The following ELP1 variants were observed in gnomAD, a reference collection of about 807,000 sequenced individuals.
ELP1 encodes elongator acetyltransferase complex subunit 1.
ELP1 carries 131 observed loss-of-function variants against 183.2 expected under a neutral mutation model. The ratio of observed to expected loss-of-function variants is 0.72; its 90% CI spans 0.62 to 0.83. The LOEUF is 0.83. Ranked by LOEUF, ELP1 falls within the 40% of genes least tolerant of loss-of-function variation. The probability of loss-of-function intolerance (pLI) is 0.00; values close to 1 mark genes in which losing one functional copy is unlikely to be tolerated. For missense variants in ELP1, 1,550 were observed against 1,594.9 expected, an observed-to-expected ratio of 0.97 and a Z score of 0.48; for synonymous variants, 555 against 569.0, an observed-to-expected ratio of 0.98 and a Z score of 0.35.
chr9:108,889,666 C>A, intron 28 of ELP1: 1 of 498,304 alleles, frequency 2.0e-6, no homozygotes, highest in Non-Finnish European at 3.6e-6. Flanking sequence ...CACTAAACCA[C>A]TTCGTCCCTT....
chr9:108,919,334 G>A lies in ELP1; in HGVS notation c.568C>T (p.Pro190Ser), dbSNP rs1343495027. 1.2e-6 allele frequency: 2 copies of A among 1,613,050 alleles called. No homozygotes were observed. ...FQMQMHESAL[P>S]WDDHRPQVTW... Reference sequence around the variant, plus strand: ...ACTTGTGGTCTATGGTCATCCCAGGGCAAAGCAGACTCATGCTAAAAAGGG... The same window carrying A: ...ACTTGTGGTCTATGGTCATCCCAGGACAAAGCAGACTCATGCTAAAAAGGG... Residue 190 changes from proline (P) to serine (S), a missense_variant, in exon 7 of 37, where the codon CCC becomes TCC. Coordinates refer to ENST00000374647, the MANE Select transcript of ELP1 (RefSeq NM_003640.5).
chr9:108,900,144 T>C, intron 19 of ELP1, 116 bp downstream of exon 19: 1 of 849,302 alleles, frequency 1.2e-6, no homozygotes, highest in Non-Finnish European at 2.0e-6. Flanking sequence ...CAAGGAAAGG[T>C]TTACAATAAA....
chr9:108,895,355 G>C (rs1828499985), intron 25 of ELP1, among the ~76,000 whole-genome samples: 1 of 152,188 alleles, frequency 6.6e-6, no homozygotes, highest in African/African-American at 2.4e-5. Flanking sequence ...AGCATGAATG[G>C]CTTACTGGGA....
At position 108,893,976 on chromosome 9, in the gene ELP1, A is replaced by T. The variant is rs1319436059; in HGVS notation, c.2827T>A (p.Tyr943Asn). ...RFTIDKYLKR[Y>N]EKAIGHLSKC... ...CTGAGGTGGCCAATGGCTTTTTCAT[A>T]TCGTTTCAAGTATTTGTCTATAGTA... The change falls in exon 26 of 37, where the codon TAT (tyrosine) becomes AAT (asparagine). Residue 943 changes from tyrosine to asparagine, a missense_variant. Tyr to Asn is a moderately radical substitution (Grantham distance 143, BLOSUM62 -2). Coordinates refer to ENST00000374647, the MANE Select transcript of ELP1 (RefSeq NM_003640.5). 1 of 1,613,526 alleles carries T rather than the reference A, an allele frequency of 6.2e-7. No individual in the cohort carries two copies. The highest frequency in any genetic ancestry group is 2.2e-5 in the East Asian group (1 of 44,832).
At chr9:108,920,214 A>G (rs1227478644) in intron 6 of ELP1, among the ~76,000 whole-genome samples, 1 of 151,916 alleles carries the variant, frequency 6.6e-6, no homozygotes, top group African/African-American at 2.4e-5. Context: ...ATTTCTACAT[A>G]TAATTATGCT....
intron 36 of ELP1, among the ~76,000 whole-genome samples, chr9:108,871,017 A>C (rs1827433323): frequency 2.4e-5 from 2 of 82,752 alleles, no homozygotes; most frequent in South Asian, 3.5e-4. Flanking sequence ...AATCTTTTTC[A>C]TGATTTCCTT....
intron 33 of ELP1, among the ~76,000 whole-genome samples, chr9:108,879,217 G>A (rs555809678): frequency 4.6e-5 from 7 of 152,300 alleles, no homozygotes; most frequent in South Asian, 4.1e-4. Context: ...GAACTGCCTC[G>A]TGGGGAATGG....
At chr9:108,925,056 T>A (rs1278670206) in intron 5 of ELP1, among the ~76,000 whole-genome samples, 4 of 152,216 alleles carry the variant, frequency 2.6e-5, no homozygotes, top group Admixed American at 6.5e-5. Context: ...TTTTCCTGAA[T>A]GATTCCTGCT....
At chr9:108,895,845 C>A (rs533412256) in intron 25 of ELP1, among the ~76,000 whole-genome samples, 7 of 152,290 alleles carry the variant, frequency 4.6e-5, no homozygotes, top group Non-Finnish European at 8.8e-5. Flanking sequence ...TGTGCCCACC[C>A]TCCACTAGAA....
chr9:108,883,007 T>C (rs924394817), intron 29 of ELP1, among the ~76,000 whole-genome samples: 2 of 152,234 alleles, frequency 1.3e-5, no homozygotes, highest in East Asian at 1.9e-4. Flanking sequence ...TGCTGTCTTT[T>C]CACATTCTTG....
intron 29 of ELP1, among the ~76,000 whole-genome samples, chr9:108,888,268 G>A (rs567432375): frequency 6.6e-6 from 1 of 152,344 alleles, no homozygotes; most frequent in South Asian, 2.1e-4. Flanking sequence ...GACTGCAAAA[G>A]GGGAAGTAGG....
At chr9:108,896,737 T>G (rs957811559) in intron 24 of ELP1, 93 bp from the exon 25 acceptor site, 3 of 1,260,518 alleles carry the variant, frequency 2.4e-6, no homozygotes, top group Non-Finnish European at 3.5e-6. Flanking sequence ...TAAATTTTTC[T>G]CAATAGAACT....
rs372723869 is a variant in ELP1 at position 108,891,388 on chromosome 9, T to C, written c.2975A>G (p.Tyr992Cys). 2.5e-6 allele frequency: 4 copies of C among 1,613,518 alleles called. No individual in the cohort carries two copies. The highest frequency in any genetic ancestry group is 3.4e-6 in the Non-Finnish European group (4 of 1,179,982). Residue 992 changes from tyrosine to cysteine, a missense_variant, in exon 28 of 37, where the codon TAT becomes TGT. Coordinates refer to ENST00000374647, the MANE Select transcript of ELP1 (RefSeq NM_003640.5). ...GTGCTCCTGCATCAGGTGCTCCCCA[T>C]AAGCAATGCTGATATCCTGTGACAA... ...SQQYQDISIA[Y>C]GEHLMQEHMY...
intron 5 of ELP1, among the ~76,000 whole-genome samples, chr9:108,924,078 A>T (rs909791477): frequency 6.6e-6 from 1 of 152,236 alleles, no homozygotes; most frequent in Non-Finnish European, 1.5e-5. Flanking sequence ...TCTATCTGCA[A>T]GTTTCCACAG....
chr9:108,880,065 C>T lies in ELP1; in HGVS notation c.3447G>A (p.Gln1149=), dbSNP rs1466531837. Residue 1149 remains glutamine, a synonymous_variant, in exon 32 of 37, where the codon CAG becomes CAA. Coordinates refer to ENST00000374647, the MANE Select transcript of ELP1 (RefSeq NM_003640.5). ...GCAGATACTCACCCAGACCTGCCTG[C>T]TGGGCTTGCTCCTTGAGCTCTCGAA... is the stretch of plus-strand genomic sequence containing the variant. The part of the protein sequence containing the change: ...LVVRELKEQA[Q]QAGLDDEVPH... The T allele has an allele frequency of 1.9e-6, 3 of 1,613,080 alleles. No individual in the cohort carries two copies. Among genetic ancestry groups the T allele is most frequent in the Non-Finnish European group, 2.5e-6 (3 of 1,179,104 alleles).
At chr9:108,892,191 T>C (rs1828367831) in intron 27 of ELP1, among the ~76,000 whole-genome samples, 1 of 152,154 alleles carries the variant, frequency 6.6e-6, no homozygotes, top group East Asian at 1.9e-4. Context: ...GCTCAGTGTT[T>C]GGCGCCTGGT....
intron 14 of ELP1, among the ~76,000 whole-genome samples, chr9:108,904,554 T>C (rs1253725184): frequency 1.3e-5 from 2 of 152,222 alleles, no homozygotes; most frequent in African/African-American, 4.8e-5. Context: ...AGGGAATTCC[T>C]CTACAAATGC....
intron 29 of ELP1, among the ~76,000 whole-genome samples, chr9:108,887,525 C>T (rs901729408): frequency 2.0e-5 from 3 of 152,170 alleles, no homozygotes; most frequent in Non-Finnish European, 2.9e-5. Context: ...TATACAGCCT[C>T]CCTGCAAAAC....
chr9:108,899,808 A>G lies in ELP1; in HGVS notation c.2204+14T>C, dbSNP rs1311584561. 1.2e-5 allele frequency: 19 copies of G among 1,607,286 alleles called. No individual in the cohort carries two copies. Among genetic ancestry groups the G allele is most frequent in the Non-Finnish European group, 1.6e-5 (19 of 1,173,882 alleles). ...CACAAGCTAACTAGTCGCAAACAGT[A>G]CAATGGCACTTACTTGTCCAACCAC... On this transcript the variant is annotated intron_variant, in intron 20 of 36. Transcript: ENST00000374647.
Sources: gnomAD v4.1 joint callset for allele counts (sites outside exome capture counted in the v4.1 genomes callset) on GRCh38, gnomAD v4.1.1 for gene constraint, MANE v1.5 for transcripts, NCBI Gene and HGNC (gene_info 2026-07-23, HGNC 2026-07-21) for gene names.